Variants in RBFOX1 observed in about 807,000 individuals in gnomAD.
RBFOX1 encodes the protein RNA binding protein fox-1 homolog 1.
A neutral mutation model predicts 57.7 loss-of-function variants in RBFOX1; 8 were observed. The ratio of observed to expected loss-of-function variants is 0.14; its 90% CI spans 0.08 to 0.25. The LOEUF is 0.25. Among genes scored for constraint, RBFOX1 ranks in the 10% least tolerant of loss-of-function variants. The probability of loss-of-function intolerance (pLI) is 1.00; values close to 1 mark genes in which losing one functional copy is unlikely to be tolerated. For synonymous variants in RBFOX1, 326 were observed against 222.4 expected (o/e 1.47, Z -4.15); for missense variants, 611 against 548.5 (o/e 1.11, Z -1.14).
intron 4 of RBFOX1, among the ~76,000 whole-genome samples, chr16:7,439,576 C>A (rs2098749909): frequency 6.6e-6 from 1 of 152,198 alleles, no homozygotes; most frequent in African/African-American, 2.4e-5. Flanking sequence ...ACGAGGAGAG[C>A]ATTTAATCCA....
intron 3 of RBFOX1, among the ~76,000 whole-genome samples, chr16:5,643,286 G>A (rs2048940711): frequency 6.6e-6 from 1 of 152,180 alleles, no homozygotes; most frequent in Non-Finnish European, 1.5e-5. Context: ...TGGCTTCTTG[G>A]CTGTCCTTGA....
At chr16:5,784,192 C>T (rs916669914) in intron 3 of RBFOX1, among the ~76,000 whole-genome samples, 3 of 152,110 alleles carry the variant, frequency 2.0e-5, no homozygotes, top group Admixed American at 1.3e-4. Context: ...GAGGCTAAGG[C>T]AGGTGGATCA....
At chr16:6,408,463 G>T (rs148954395) in intron 2 of RBFOX1, among the ~76,000 whole-genome samples, 328 of 152,256 alleles carry the variant, frequency 2.2e-3, no homozygotes, top group Non-Finnish European at 3.8e-3. Flanking sequence ...TCTTTATGCA[G>T]CTGGTGCTCA....
At chr16:7,266,406 G>A (rs763458058) in intron 4 of RBFOX1, among the ~76,000 whole-genome samples, 17 of 152,176 alleles carry the variant, frequency 1.1e-4, no homozygotes, top group Non-Finnish European at 2.1e-4. Context: ...CTGAGGCTTC[G>A]CTGGAAGCCC....
At chr16:6,460,725 C>G (rs572852395) in intron 2 of RBFOX1, among the ~76,000 whole-genome samples, 1 of 151,870 alleles carries the variant, frequency 6.6e-6, no homozygotes, top group South Asian at 2.1e-4. Context: ...ATACCATTTG[C>G]TGCAGCAATC....
intron 1 of RBFOX1, among the ~76,000 whole-genome samples, chr16:5,346,228 C>G (rs1755581257): frequency 6.6e-6 from 1 of 152,152 alleles, no homozygotes; most frequent in South Asian, 2.1e-4. Flanking sequence ...ATCTACCTCT[C>G]CAGTCTCGGT....
chr16:7,302,245 G>A (rs1377197984), intron 4 of RBFOX1, among the ~76,000 whole-genome samples: 1 of 152,214 alleles, frequency 6.6e-6, no homozygotes, highest in Non-Finnish European at 1.5e-5. Flanking sequence ...TTGGGGCCTA[G>A]TGTTAGGCAG....
intron 2 of RBFOX1, among the ~76,000 whole-genome samples, chr16:6,516,812 C>G (rs993727033): frequency 6.6e-6 from 1 of 152,128 alleles, no homozygotes; most frequent in African/African-American, 2.4e-5. Flanking sequence ...TTGGTAGAGA[C>G]ATTGCAACAC....
intron 4 of RBFOX1, among the ~76,000 whole-genome samples, chr16:7,309,005 T>C (rs1380270899): frequency 1.3e-5 from 2 of 152,052 alleles, no homozygotes; most frequent in Non-Finnish European, 2.9e-5. Context: ...GGATTGGGGG[T>C]GGTCGATAGT....
intron 1 of RBFOX1, among the ~76,000 whole-genome samples, chr16:6,252,620 G>GTTTTC: frequency 6.6e-6 from 1 of 152,118 alleles, no homozygotes; most frequent in South Asian, 2.1e-4. Flanking sequence ...GTTTTGTTTT[G>GTTTTC]TTTTGTTTTG....
In RBFOX1 at chr16:5,724,364, C is replaced by G. The variant is rs191655891; in HGVS notation, c.318+125403C>G. On this transcript the variant is annotated intron_variant, in intron 3 of 19. Coordinates refer to the RBFOX1 transcript ENST00000641259. ...CATTTGGGGAGATTATGCTGGGGCT[C>G]TGTGAGAGCATTCAGGAGCTGCAGG... Among the ~76,000 whole-genome samples the G allele has an allele frequency of 2.6e-5, 4 of 152,186 alleles. No individual in the cohort carries two copies. In the South Asian group the frequency reaches 6.2e-4, roughly 24 times the overall value.
chr16:7,142,618 C>G (rs922002340), intron 4 of RBFOX1, among the ~76,000 whole-genome samples: 3 of 152,258 alleles, frequency 2.0e-5, no homozygotes, highest in African/African-American at 7.2e-5. Context: ...TACTCATCTT[C>G]TGGACTGTCA....
intron 2 of RBFOX1, among the ~76,000 whole-genome samples, chr16:5,589,091 G>A (rs1009857272): frequency 3.3e-5 from 5 of 152,166 alleles, no homozygotes; most frequent in Non-Finnish European, 7.4e-5. Context: ...GGAGTGGGGT[G>A]GGAAGAAACC....
chr16:6,934,341 C>T (rs549898225), intron 3 of RBFOX1, among the ~76,000 whole-genome samples: 10 of 152,174 alleles, frequency 6.6e-5, no homozygotes, highest in East Asian at 3.9e-4. Flanking sequence ...ATACAGAATA[C>T]GTATTTATGT....
chr16:7,478,757 C>G (rs1360804111), intron 4 of RBFOX1, among the ~76,000 whole-genome samples: 6 of 152,164 alleles, frequency 3.9e-5, no homozygotes, highest in African/African-American at 1.2e-4. Context: ...ACTGACTCCG[C>G]TTATTGCTGG....
chr16:6,279,234 A>T (rs2076137135), intron 1 of RBFOX1, among the ~76,000 whole-genome samples: 1 of 152,198 alleles, frequency 6.6e-6, no homozygotes, highest in African/African-American at 2.4e-5. Context: ...TGTTAGGATT[A>T]GTCTGGTTAT....
At chr16:6,066,545 A>G (rs1360234235) in intron 1 of RBFOX1, among the ~76,000 whole-genome samples, 1 of 152,118 alleles carries the variant, frequency 6.6e-6, no homozygotes. Flanking sequence ...TCCACGGTTG[A>G]GCATGGATGC....
intron 4 of RBFOX1, among the ~76,000 whole-genome samples, chr16:7,068,642 A>G (rs138061187): frequency 7.2e-4 from 110 of 152,272 alleles, no homozygotes; most frequent in African/African-American, 2.4e-3. Context: ...GCTGGAGTGC[A>G]ATGGTGCAAT....
At chr16:7,250,241 T>G (rs1268697837) in intron 4 of RBFOX1, among the ~76,000 whole-genome samples, 4 of 152,196 alleles carry the variant, frequency 2.6e-5, no homozygotes, top group African/African-American at 9.7e-5. Context: ...TAGTAGACAT[T>G]TGTGGATTAG....
Sources: gnomAD v4.1 joint callset for allele counts (sites outside exome capture counted in the v4.1 genomes callset) on GRCh38, gnomAD v4.1.1 for gene constraint, MANE v1.5 for transcripts, NCBI Gene and HGNC (gene_info 2026-07-23, HGNC 2026-07-21) for gene names.